The following DLG1 variants were observed in gnomAD, a reference collection of about 807,000 sequenced individuals.
DLG1 encodes disks large homolog 1.
In DLG1, 42 loss-of-function variants were observed where a neutral mutation model predicts 123.4. That is an observed-to-expected ratio of 0.34 (90% CI 0.27 to 0.44). The LOEUF is 0.44. Ranked by LOEUF, DLG1 falls within the 20% of genes least tolerant of loss-of-function variation. The pLI is 1.00. For missense variants in DLG1, 942 were observed against 1,082.6 expected, an observed-to-expected ratio of 0.87 and a Z score of 1.82; for synonymous variants, 317 against 356.2, an observed-to-expected ratio of 0.89 and a Z score of 1.24.
At chr3:197,280,021 T>C (rs1484762707) in intron 4 of DLG1, among the ~76,000 whole-genome samples, 5 of 152,226 alleles carry the variant, frequency 3.3e-5, no homozygotes, top group African/African-American at 1.2e-4. Flanking sequence ...TAAACCATTC[T>C]GAAATAGACA....
At chr3:197,130,396 A>T in intron 11 of DLG1, 131 bp downstream of exon 11, 2 of 808,022 alleles carry the variant, frequency 2.5e-6, no homozygotes, top group Non-Finnish European at 3.4e-6. Flanking sequence ...TGAGTAGATT[A>T]ACATGCTTAA....
intron 4 of DLG1, among the ~76,000 whole-genome samples, chr3:197,261,429 G>A (rs73210569): frequency 0.12 from 18,095 of 152,198 alleles, 1,158 homozygotes; most frequent in Middle Eastern, 0.15. Flanking sequence ...GCAACAGGGT[G>A]AGATCCTGTC....
At chr3:197,178,390 G>A (rs1158839827) in intron 5 of DLG1, among the ~76,000 whole-genome samples, 1 of 152,170 alleles carries the variant, frequency 6.6e-6, no homozygotes, top group African/African-American at 2.4e-5. Flanking sequence ...CAGCATCTTA[G>A]TGAATGGCAT....
intron 14 of DLG1, among the ~76,000 whole-genome samples, chr3:197,094,536 A>G (rs1183948825): frequency 6.6e-6 from 1 of 152,234 alleles, no homozygotes; most frequent in African/African-American, 2.4e-5. Context: ...TTCTGTTTTC[A>G]TATTATCCTC....
intron 3 of DLG1, among the ~76,000 whole-genome samples, chr3:197,288,533 C>G (rs1315925530): frequency 6.7e-6 from 1 of 150,158 alleles, no homozygotes; most frequent in Non-Finnish European, 1.5e-5. Flanking sequence ...ACCAACCTGA[C>G]CAACATGAAG....
chr3:197,298,560 G>C lies in DLG1; in HGVS notation c.-56C>G, dbSNP rs1343346289. On this transcript the variant is annotated 5_prime_UTR_variant, in exon 1 of 25. Coordinates refer to ENST00000667157, the MANE Select transcript of DLG1 (RefSeq NM_001366207.1). Reference sequence around the variant, plus strand: ...CCGAGACACCCCTCAACCTCACTCAGCAGTGCCGTTTCCAACTCCGCGGCA... The same window carrying C: ...CCGAGACACCCCTCAACCTCACTCACCAGTGCCGTTTCCAACTCCGCGGCA... 2.5e-6 allele frequency: 1 copy of C among 398,552 alleles called. No individual in the cohort carries two copies. The highest frequency in any genetic ancestry group is 2.1e-5 in the African/African-American group (1 of 48,620). The allele number at this position is 398,552 out of a possible 1,614,324, so 24.7% of individuals were successfully genotyped here. A position where few individuals can be genotyped will look rare whatever the true frequency, so the allele number is the denominator to read the frequency against.
intron 17 of DLG1, 115 bp from the exon 18 acceptor site, chr3:197,076,800 T>C (rs543586737): frequency 1.1e-5 from 6 of 534,868 alleles, no homozygotes; most frequent in Non-Finnish European, 2.0e-5. Flanking sequence ...GCAGTTTGTA[T>C]ATGATTTTTA....
intron 11 of DLG1, among the ~76,000 whole-genome samples, chr3:197,122,371 A>T (rs1275537345): frequency 6.6e-6 from 1 of 152,084 alleles, no homozygotes; most frequent in African/African-American, 2.4e-5. Flanking sequence ...ATGGTGAAAT[A>T]CTGTGTCCCC....
chr3:197,103,120 C>G (rs1764443530), intron 14 of DLG1, among the ~76,000 whole-genome samples: 1 of 152,160 alleles, frequency 6.6e-6, no homozygotes, highest in Non-Finnish European at 1.5e-5. Flanking sequence ...TCTCAACATT[C>G]CATATTTTAA....
Position 197,044,523 on chromosome 3 carries a change from C to T in DLG1, c.*100G>A. ...AGACCATGATGTGTGGGATACAATT[C>T]AACATGAAATCAGTACTCAAGAAAG... On this transcript the variant is annotated 3_prime_UTR_variant, in exon 25 of 25. Transcript: ENST00000667157. The T allele has an allele frequency of 1.4e-6, 1 of 698,092 alleles. No homozygotes were observed. The highest frequency in any genetic ancestry group is 1.8e-5 in the African/African-American group (1 of 55,338). 43.2% of individuals were successfully genotyped at this position (698,092 alleles called of 1,614,324 possible).
intron 5 of DLG1, among the ~76,000 whole-genome samples, chr3:197,151,798 T>G (rs1393792053): frequency 6.6e-6 from 1 of 151,770 alleles, no homozygotes; most frequent in Non-Finnish European, 1.5e-5. Flanking sequence ...ATCCTAGCAC[T>G]GTGGGAGGCC....
rs549580117 is a variant in DLG1, at chr3:197,178,961, GA to G, written c.483+15463del. Among the ~76,000 whole-genome samples, 659 of 152,304 alleles carry G rather than the reference GA, an allele frequency of 4.3e-3. 5 individuals are homozygous for G. Among genetic ancestry groups the G allele is most frequent in the South Asian group, 0.017 (84 of 4,826 alleles). On this transcript the variant is annotated intron_variant, in intron 5 of 24. Transcript: ENST00000667157. Reference sequence around the variant, plus strand: ...GAGGCAAGACAGATGATGCAGTGAAGAGAGAAAGGGATTTCAGAAGTTCTTG... The same window carrying G: ...GAGGCAAGACAGATGATGCAGTGAAGGAGAAAGGGATTTCAGAAGTTCTTG...
chr3:197,275,444 C>T (rs903387303), intron 4 of DLG1, among the ~76,000 whole-genome samples: 1 of 152,128 alleles, frequency 6.6e-6, no homozygotes, highest in South Asian at 2.1e-4. Context: ...ATCTACATGC[C>T]CATGTTTATC....
intron 22 of DLG1, 34 bp from the exon 23 acceptor site, chr3:197,060,032 G>A (rs531979102): frequency 6.7e-7 from 1 of 1,482,816 alleles, no homozygotes; most frequent in East Asian, 2.3e-5. Context: ...AAAAACAAGT[G>A]AGCCAAATAT....
At chr3:197,121,315 G>T (rs915311912) in intron 11 of DLG1, among the ~76,000 whole-genome samples, 1 of 151,836 alleles carries the variant, frequency 6.6e-6, no homozygotes, top group Non-Finnish European at 1.5e-5. Flanking sequence ...TATGTAAAAA[G>T]GTCCCCCAGA....
intron 4 of DLG1, among the ~76,000 whole-genome samples, chr3:197,263,765 C>T (rs185353006): frequency 1.5e-4 from 23 of 152,032 alleles, no homozygotes; most frequent in South Asian, 4.2e-4. Flanking sequence ...CCAGGCTGGG[C>T]GACAAAGTGG....
At chr3:197,181,572 T>C (rs1040435783) in intron 5 of DLG1, among the ~76,000 whole-genome samples, 1 of 152,152 alleles carries the variant, frequency 6.6e-6, no homozygotes, top group Non-Finnish European at 1.5e-5. Flanking sequence ...TATCTCAAGT[T>C]ATTTTTCAGT....
At chr3:197,286,421 C>A (rs1771876515) in intron 3 of DLG1, among the ~76,000 whole-genome samples, 2 of 152,188 alleles carry the variant, frequency 1.3e-5, no homozygotes, top group Non-Finnish European at 2.9e-5. Flanking sequence ...ATAAGGAGTG[C>A]ACAATCTAGA....
At chr3:197,210,085 CAG>C (rs1730548691) in intron 4 of DLG1, among the ~76,000 whole-genome samples, 1 of 146,232 alleles carries the variant, frequency 6.8e-6, no homozygotes, top group Non-Finnish European at 1.5e-5. Flanking sequence ...TAATAGCTTT[CAG>C]TGAGTTCTGT....
Sources: gnomAD v4.1 joint callset for allele counts (sites outside exome capture counted in the v4.1 genomes callset) on GRCh38, gnomAD v4.1.1 for gene constraint, MANE v1.5 for transcripts, NCBI Gene and HGNC (gene_info 2026-07-23, HGNC 2026-07-21) for gene names.